The following PRKG2 variants were observed in gnomAD, a reference collection of about 807,000 sequenced individuals.
The protein encoded by PRKG2 is protein kinase cGMP-dependent 2, also known as cGMP-dependent protein kinase 2.
In PRKG2, 33 loss-of-function variants were observed where a neutral mutation model predicts 97.2. That is an observed-to-expected ratio of 0.34 (90% CI 0.26 to 0.45). PRKG2 has a LOEUF of 0.45. Among genes scored for constraint, PRKG2 ranks in the 20% least tolerant of loss-of-function variants. PRKG2 has a pLI of 1.00. For missense variants in PRKG2, 638 were observed against 900.0 expected, an observed-to-expected ratio of 0.71 and a Z score of 3.73; for synonymous variants, 330 against 321.8, an observed-to-expected ratio of 1.03 and a Z score of -0.27.
Position 81,191,353 on chromosome 4 carries a change from T to A in PRKG2, c.461+13234A>T, listed in dbSNP as rs1226984306. Among the ~76,000 whole-genome samples, 4 of 152,014 alleles carry A rather than the reference T, an allele frequency of 2.6e-5. No individual in the cohort carries two copies. In the East Asian group the frequency reaches 7.8e-4, roughly 30 times the overall value. ...CAGGAACAGAAAACAAAACACCACA[T>A]GTTCTCACTCATAAGTGGGAGATGA... On this transcript the variant is annotated intron_variant, in intron 2 of 18. Transcript: ENST00000264399.
chr4:81,192,368 CT>C (rs1752615799), intron 2 of PRKG2: 1 of 152,120 alleles, frequency 6.6e-6, no homozygotes, highest in African/African-American at 2.4e-5. Flanking sequence ...TGTTTATTTT[CT>C]GATCATTTTG....
intron 17 of PRKG2, among the ~76,000 whole-genome samples, chr4:81,094,722 G>A (rs758716108): frequency 6.6e-6 from 1 of 152,034 alleles, no homozygotes; most frequent in Non-Finnish European, 1.5e-5. Flanking sequence ...AACCATGGGA[G>A]GATCTGTGGC....
intron 5 of PRKG2, among the ~76,000 whole-genome samples, chr4:81,168,676 C>T (rs1327586594): frequency 6.6e-6 from 1 of 152,048 alleles, no homozygotes; most frequent in African/African-American, 2.4e-5. Context: ...AGATAGAGAA[C>T]CTGCTTGTCA....
chr4:81,161,966 C>T (rs1437416462), intron 6 of PRKG2, among the ~76,000 whole-genome samples: 2 of 151,992 alleles, frequency 1.3e-5, no homozygotes, highest in African/African-American at 2.4e-5. Flanking sequence ...TTCTGCCTAC[C>T]ACAATAAGCC....
rs545940220 is a variant in PRKG2, at chr4:81,192,024, G to A, written c.461+12563C>T. ...CAAGACATGTACAAAAATGTTCATG[G>A]CAGCATTATTCATAAATGCTAAATA... On this transcript the variant is annotated intron_variant, in intron 2 of 18. Transcript: ENST00000264399. Among the ~76,000 whole-genome samples, 32 of 152,164 alleles carry A rather than the reference G, an allele frequency of 2.1e-4. No homozygotes were observed. The South Asian group carries it at 3.7e-3, about 18-fold the overall frequency.
At chr4:81,202,374 T>A (rs1351611215) in intron 2 of PRKG2, among the ~76,000 whole-genome samples, 1 of 152,180 alleles carries the variant, frequency 6.6e-6, no homozygotes, top group Non-Finnish European at 1.5e-5. Flanking sequence ...CTTAAGGAGG[T>A]ATCTGTACTT....
chr4:81,120,729 A>C lies in PRKG2; in HGVS notation c.1777-10118T>G, dbSNP rs1271592301. 2.6e-5 allele frequency among the ~76,000 whole-genome samples: 4 copies of C among 152,020 alleles called. No homozygotes were observed. In the East Asian group the frequency reaches 7.7e-4, roughly 29 times the overall value. On this transcript the variant is annotated intron_variant, in intron 14 of 18. Coordinates refer to ENST00000264399, the MANE Select transcript of PRKG2 (RefSeq NM_006259.3). The stretch of plus-strand genomic sequence containing the variant: ...TTCTTTAAGATTTTCTACATAGATA[A>C]TCATATCATTTGTGAGCAAAGACTT...
intron 15 of PRKG2, among the ~76,000 whole-genome samples, chr4:81,109,337 T>C (rs1046019797): frequency 6.6e-6 from 1 of 152,246 alleles, no homozygotes; most frequent in Non-Finnish European, 1.5e-5. Context: ...AGACTCGTTC[T>C]AGTATTTCTT....
chr4:81,183,422 T>A (rs1256389353), intron 2 of PRKG2, among the ~76,000 whole-genome samples: 1 of 151,964 alleles, frequency 6.6e-6, no homozygotes, highest in South Asian at 2.1e-4. Flanking sequence ...AGGGAAGCCA[T>A]GAGGGACTGC....
chr4:81,118,325 G>T (rs1036478360), intron 14 of PRKG2, among the ~76,000 whole-genome samples: 8 of 152,196 alleles, frequency 5.3e-5, no homozygotes, highest in Admixed American at 2.0e-4. Flanking sequence ...TGTGTAAACA[G>T]AAGTTTTCAA....
chr4:81,153,544 A>G lies in PRKG2; in HGVS notation c.990+100T>C, dbSNP rs533951904. 26 of 903,830 alleles carry G rather than the reference A, an allele frequency of 2.9e-5. No homozygotes were observed. In the African/African-American group the frequency reaches 4.4e-4, roughly 15 times the overall value. 56.0% of individuals were successfully genotyped at this position (903,830 alleles called of 1,614,324 possible). On this transcript the variant is annotated intron_variant, in intron 7 of 18. Transcript: ENST00000264399. The stretch of plus-strand genomic sequence containing the variant: ...CTGGTAGAAGCTCCTTTATCTGTCC[A>G]AAGTGGAGGACCTATGTTGCAATGC...
chr4:81,161,007 C>T (rs1226424085), intron 6 of PRKG2, among the ~76,000 whole-genome samples: 2 of 152,070 alleles, frequency 1.3e-5, no homozygotes, highest in Non-Finnish European at 2.9e-5. Context: ...CATAACTAAC[C>T]ACATAATTGC....
In PRKG2 at chr4:81,174,969, T is replaced by C; in HGVS notation, c.462-10A>G. On this transcript the variant is annotated splice_polypyrimidine_tract_variant and intron_variant, in intron 2 of 18. Coordinates refer to ENST00000264399, the MANE Select transcript of PRKG2 (RefSeq NM_006259.3). ...AATGAGCTTCTTCTCACTGGTATAA[T>C]GGAAAAGAGATGTTAGTTACAATTA... 6.3e-7 allele frequency: 1 copy of C among 1,583,638 alleles called. No homozygotes were observed. Among genetic ancestry groups the C allele is most frequent in the Non-Finnish European group, 8.6e-7 (1 of 1,162,682 alleles).
At chr4:81,183,432 C>T (rs1321637587) in intron 2 of PRKG2, among the ~76,000 whole-genome samples, 1 of 152,230 alleles carries the variant, frequency 6.6e-6, no homozygotes, top group African/African-American at 2.4e-5. Context: ...TGAGGGACTG[C>T]ACCATGAGGA....
Position 81,101,266 on chromosome 4 carries a change from C to T in PRKG2, c.2126+3104G>A, listed in dbSNP as rs143335474. 5.4e-3 allele frequency among the ~76,000 whole-genome samples: 821 copies of T among 152,206 alleles called. 2 individuals are homozygous for T. The highest frequency in any genetic ancestry group is 8.4e-3 in the Non-Finnish European group (573 of 68,028). On this transcript the variant is annotated intron_variant, in intron 17 of 18. Coordinates refer to ENST00000264399, the MANE Select transcript of PRKG2 (RefSeq NM_006259.3). The stretch of plus-strand genomic sequence containing the variant: ...ATGCTGCTATAAAAACACATGCACA[C>T]GTACGTTTATTGGGGCACTATTCAC...
At chr4:81,131,785 T>C (rs1746202686) in intron 14 of PRKG2, among the ~76,000 whole-genome samples, 1 of 152,212 alleles carries the variant, frequency 6.6e-6, no homozygotes, top group Non-Finnish European at 1.5e-5. Context: ...TGGACTTTAT[T>C]CTATTAGACT....
intron 2 of PRKG2, among the ~76,000 whole-genome samples, chr4:81,198,445 T>C (rs946475896): frequency 6.6e-6 from 1 of 152,148 alleles, no homozygotes; most frequent in Non-Finnish European, 1.5e-5. Context: ...AATTCCTCCA[T>C]GCTTTTTACC....
intron 8 of PRKG2, among the ~76,000 whole-genome samples, chr4:81,151,607 A>T (rs1237805642): frequency 2.6e-5 from 4 of 152,140 alleles, no homozygotes; most frequent in African/African-American, 7.2e-5. Context: ...AATTTTTAAA[A>T]AGGTGAAAAC....
At chr4:81,097,550 T>C (rs552795359) in intron 17 of PRKG2, among the ~76,000 whole-genome samples, 1 of 152,314 alleles carries the variant, frequency 6.6e-6, no homozygotes, top group East Asian at 1.9e-4. Context: ...TGAAGCTAGA[T>C]ATTAGCTTCT....
Sources: allele counts gnomAD v4.1 joint callset (sites outside exome capture counted in the v4.1 genomes callset), GRCh38; gene constraint gnomAD v4.1.1; transcripts MANE v1.5; gene names NCBI Gene and HGNC (gene_info 2026-07-23, HGNC 2026-07-21).